Variants in MDGA1 observed in about 807,000 individuals in gnomAD.
The protein encoded by MDGA1 is MAM domain containing glycosylphosphatidylinositol anchor 1.
MDGA1 carries 54 observed loss-of-function variants against 101.5 expected under a neutral mutation model. That is an observed-to-expected ratio of 0.53 (90% CI 0.43 to 0.67). The LOEUF (loss-of-function observed/expected upper bound fraction) is 0.67, where lower values mean the gene tolerates loss of function less well. Ranked by LOEUF, MDGA1 falls within the 30% of genes least tolerant of loss-of-function variation. MDGA1 has a pLI of 0.00. For synonymous variants in MDGA1, 533 were observed against 558.3 expected (o/e 0.95, Z 0.64); for missense variants, 1,083 against 1,323.8 (o/e 0.82, Z 2.82).
intron 16 of MDGA1, 81 bp from the exon 17 acceptor site, chr6:37,637,540 C>A: frequency 8.2e-7 from 1 of 1,220,880 alleles, no homozygotes; most frequent in Non-Finnish European, 1.2e-6. Context: ...CAGGTCGGCA[C>A]TGTTACTCTG....
intron 2 of MDGA1, among the ~76,000 whole-genome samples, chr6:37,660,124 T>C (rs114396393): frequency 3.3e-5 from 5 of 151,452 alleles, no homozygotes; most frequent in Non-Finnish European, 7.4e-5. Context: ...AGGATCCTCC[T>C]GCCACAGACT....
chr6:37,637,825 T>C, intron 16 of MDGA1: 2 of 518,976 alleles, frequency 3.9e-6, no homozygotes, highest in South Asian at 3.6e-5. Flanking sequence ...TTTGTGTGCC[T>C]TGCCTGGTAC....
intron 1 of MDGA1, among the ~76,000 whole-genome samples, chr6:37,680,877 C>T (rs1296710590): frequency 1.3e-5 from 2 of 152,208 alleles, no homozygotes; most frequent in East Asian, 1.9e-4. Context: ...TCCGAGCAGG[C>T]GGCTTTGTGT....
intron 13 of MDGA1, 37 bp downstream of exon 13, chr6:37,644,460 G>T: frequency 6.6e-7 from 1 of 1,505,660 alleles, no homozygotes. Flanking sequence ...CCCCCCTGAA[G>T]CAATCCTCCA....
intron 13 of MDGA1, among the ~76,000 whole-genome samples, 190 bp from the exon 14 acceptor site, chr6:37,644,133 C>T (rs1056885060): frequency 3.8e-5 from 5 of 132,694 alleles, no homozygotes; most frequent in African/African-American, 5.7e-5. Context: ...CTCACCCCCA[C>T]GCATCCTGCC....
Position 37,649,266 on chromosome 6 carries a change from A to T in MDGA1, c.1610T>A (p.Phe537Tyr). Residue 537 changes from phenylalanine to tyrosine, a missense_variant and splice_region_variant, in exon 9 of 17, where the codon TTC becomes TAC. By Grantham distance (22) the Phe-to-Tyr change is conservative (BLOSUM62 3). Around this residue, in one of 3 missense-constraint regions of MDGA1, gnomAD observed 657 missense variants for 771.4 expected, o/e 0.85. Transcript: ENST00000434837. ...GGAACTGGGCTCCACCTCCGGCGGG[A>T]CTGGGGGCGGGAGCGGCGGTCAGCG... ...REAQVQLNVQ[F>Y]PPEVEPSSQD... The T allele has an allele frequency of 6.7e-7, 1 of 1,492,340 alleles. No homozygotes were observed. 92.4% of individuals were successfully genotyped at this position (1,492,340 alleles called of 1,614,324 possible).
rs945125213 is a variant in MDGA1 at position 37,677,265 on chromosome 6, C to T, written c.68-13159G>A. On this transcript the variant is annotated intron_variant, in intron 1 of 16. Coordinates refer to ENST00000434837, the MANE Select transcript of MDGA1 (RefSeq NM_153487.4). The stretch of plus-strand genomic sequence containing the variant: ...CAACACCAGCTCAAACTTTCCGTCA[C>T]ACAACCCGGCAGTGCGAAATGAGAA... Among the ~76,000 whole-genome samples the T allele has an allele frequency of 9.5e-4, 144 of 152,192 alleles. 1 individual carries two copies. Among genetic ancestry groups the T allele is most frequent in the Non-Finnish European group, 4.0e-4 (27 of 68,040 alleles).
At chr6:37,642,252 T>C (rs1450605624) in intron 14 of MDGA1, among the ~76,000 whole-genome samples, 1 of 148,476 alleles carries the variant, frequency 6.7e-6, no homozygotes, top group African/African-American at 2.5e-5. Context: ...TGATCTCGGC[T>C]CACGGCAACC....
chr6:37,665,820 C>T (rs560083540), intron 1 of MDGA1, among the ~76,000 whole-genome samples: 11 of 152,326 alleles, frequency 7.2e-5, no homozygotes, highest in African/African-American at 2.6e-4. Context: ...CCAAAGTGAA[C>T]ATGAGACGCA....
At position 37,676,459 on chromosome 6, in the gene MDGA1, G is replaced by A. The variant is rs538163266; in HGVS notation, c.68-12353C>T. Among the ~76,000 whole-genome samples the A allele has an allele frequency of 3.3e-5, 5 of 152,344 alleles. No individual in the cohort carries two copies. The East Asian group carries it at 9.6e-4, about 29-fold the overall frequency. ...AGGCTCAGCTTGGGGTTCTGGCACA[G>A]GCCTGAATGTAGGGGCCAAAGGGAG... On this transcript the variant is annotated intron_variant, in intron 1 of 16. Coordinates refer to ENST00000434837, the MANE Select transcript of MDGA1 (RefSeq NM_153487.4).
intron 5 of MDGA1, 42 bp downstream of exon 5, chr6:37,654,758 A>G: frequency 6.2e-7 from 1 of 1,610,976 alleles, no homozygotes; most frequent in Non-Finnish European, 8.5e-7. Context: ...GTTGGGAGTT[A>G]GCTCAGGTAG....
At chr6:37,663,286 C>A (rs1211522500) in intron 2 of MDGA1, among the ~76,000 whole-genome samples, 1 of 152,182 alleles carries the variant, frequency 6.6e-6, no homozygotes, top group African/African-American at 2.4e-5. Flanking sequence ...TTCCCAGATT[C>A]TTATTTTCTG....
Position 37,693,386 on chromosome 6 carries a change from A to C in MDGA1, c.67+3359T>G, listed in dbSNP as rs1454102758. 1.8e-4 allele frequency among the ~76,000 whole-genome samples: 27 copies of C among 152,252 alleles called. 1 individual carries two copies. The highest frequency in any genetic ancestry group is 1.8e-3 in the Admixed American group (27 of 15,284). On this transcript the variant is annotated intron_variant, in intron 1 of 16. Transcript: ENST00000434837. ...TGTTGCTCTTGTCAAATTATTCAAC[A>C]TCTGTCTTCATGTTCCTACAAAAAT...
intron 6 of MDGA1, among the ~76,000 whole-genome samples, chr6:37,653,457 G>T (rs534071864): frequency 6.6e-6 from 1 of 152,120 alleles, no homozygotes; most frequent in Non-Finnish European, 1.5e-5. Flanking sequence ...AGTGGAGTTC[G>T]GCAGAAGCTG....
At chr6:37,645,815 A>G (rs2114008479) in intron 12 of MDGA1, 118 bp downstream of exon 12, 2 of 1,214,212 alleles carry the variant, frequency 1.6e-6, no homozygotes, top group Middle Eastern at 1.9e-4. Flanking sequence ...ATGGAAACAC[A>G]GGGGGAATTC....
At position 37,655,677 on chromosome 6, in the gene MDGA1, G is replaced by A. The variant is rs1400032599; in HGVS notation, c.579+23C>T. The stretch of plus-strand genomic sequence containing the variant: ...TTGGATGCAGGAGAAGTGGTATGGG[G>A]CGAGCCAGCTGCCCATCCTGACCTG... On this transcript the variant is annotated intron_variant, in intron 4 of 16. Transcript: ENST00000434837. The surrounding 1 kb of genome is among the most constrained non-coding windows in gnomAD (Gnocchi z 5.1). 1.9e-5 allele frequency: 30 copies of A among 1,576,626 alleles called. No individual in the cohort carries two copies. Among genetic ancestry groups the A allele is most frequent in the Non-Finnish European group, 2.6e-5 (30 of 1,159,674 alleles).
chr6:37,679,572 T>C (rs1277759468), intron 1 of MDGA1, among the ~76,000 whole-genome samples: 1 of 152,192 alleles, frequency 6.6e-6, no homozygotes, highest in Non-Finnish European at 1.5e-5. Context: ...TCTCCCGATA[T>C]TGTGACACGT....
At chr6:37,684,110 G>A (rs1427392559) in intron 1 of MDGA1, among the ~76,000 whole-genome samples, 2 of 152,208 alleles carry the variant, frequency 1.3e-5, no homozygotes, top group African/African-American at 2.4e-5. Flanking sequence ...CTGTGCCATC[G>A]GGAGAAGGCT....
intron 1 of MDGA1, among the ~76,000 whole-genome samples, chr6:37,668,556 C>T (rs1309338553): frequency 6.6e-6 from 1 of 152,172 alleles, no homozygotes; most frequent in Non-Finnish European, 1.5e-5. Context: ...TATCTTCATA[C>T]AAAGGAATAT....
Sources: allele counts gnomAD v4.1 joint callset (sites outside exome capture counted in the v4.1 genomes callset), GRCh38; gene constraint gnomAD v4.1.1; regional missense constraint gnomAD v4.1.1; non-coding constraint Gnocchi (gnomAD v3.1); transcripts MANE v1.5; gene names NCBI Gene and HGNC (gene_info 2026-07-23, HGNC 2026-07-21).